DOCK10: variants seen among roughly 807,000 people sequenced by gnomAD.
The protein encoded by DOCK10 is dedicator of cytokinesis protein 10.
Under a neutral mutation model 280.1 loss-of-function variants are expected in DOCK10, and 145 were observed. That is an observed-to-expected ratio of 0.52 (90% CI 0.45 to 0.59). The LOEUF (loss-of-function observed/expected upper bound fraction) is 0.59. DOCK10 is among the 20% of genes least tolerant of loss of function. The probability of loss-of-function intolerance (pLI) is 0.00; values close to 1 mark genes in which losing one functional copy is unlikely to be tolerated. For synonymous variants in DOCK10, 915 were observed against 942.2 expected (o/e 0.97, Z 0.53); for missense variants, 2,368 against 2,651.7 (o/e 0.89, Z 2.35).
intron 1 of DOCK10, among the ~76,000 whole-genome samples, chr2:224,991,405 C>T (rs2126270296): frequency 6.6e-6 from 1 of 152,286 alleles, no homozygotes; most frequent in East Asian, 1.9e-4. Context: ...AACAAAGGCA[C>T]ATAGTACAAA....
At chr2:224,819,668 T>G (rs2125316362) in intron 28 of DOCK10, 139 bp from the exon 29 acceptor site, 1 of 534,640 alleles carries the variant, frequency 1.9e-6, no homozygotes, top group East Asian at 3.3e-5. Context: ...AAAAATCTTC[T>G]AAAGATGTTT....
intron 27 of DOCK10, among the ~76,000 whole-genome samples, chr2:224,829,285 C>A (rs901931187): frequency 1.3e-5 from 2 of 152,118 alleles, no homozygotes; most frequent in Non-Finnish European, 2.9e-5. Context: ...TTCAAAGATC[C>A]CCCCAATAGT....
chr2:224,841,694 A>C (rs1346999056), intron 23 of DOCK10, 110 bp downstream of exon 23: 4 of 639,200 alleles, frequency 6.3e-6, no homozygotes, highest in Non-Finnish European at 1.1e-5. Flanking sequence ...GGTATTAAAA[A>C]ATCTTGAGTA....
At chr2:224,918,407 G>C (rs375231129) in intron 2 of DOCK10, among the ~76,000 whole-genome samples, 1 of 151,028 alleles carries the variant, frequency 6.6e-6, no homozygotes, top group South Asian at 2.1e-4. Flanking sequence ...GTGTGCATGA[G>C]AGTGTGTTGC....
intron 11 of DOCK10, among the ~76,000 whole-genome samples, chr2:224,869,236 A>T (rs1458397600): frequency 3.9e-5 from 6 of 152,206 alleles, no homozygotes; most frequent in Admixed American, 3.9e-4. Context: ...TTTCAAAGAA[A>T]TATTTTATAC....
At position 225,042,270 on chromosome 2, in the gene DOCK10, G is replaced by A; in HGVS notation, c.105C>T (p.Ser35=). 1 of 1,325,830 alleles carries A rather than the reference G, an allele frequency of 7.5e-7. No homozygotes were observed. The highest frequency in any genetic ancestry group is 9.6e-7 in the Non-Finnish European group (1 of 1,038,016). 82.1% of individuals were successfully genotyped at this position (1,325,830 alleles called of 1,614,324 possible). The change falls in exon 1 of 56, where the codon AGC becomes AGT. Residue 35 remains serine, a synonymous_variant. Transcript: ENST00000258390. This position sits in a 1 kb window ranked among gnomAD's most constrained non-coding sequence, Gnocchi z 5.1. ...SAASAAAVAV[S]SRQQQRQEKP... ...CACTCACCCGCTGCTGCTGCCGGCT[G>A]CTGACTGCCACCGCGGCGGCGGACG...
chr2:224,968,832 G>C (rs1200995613), intron 1 of DOCK10, among the ~76,000 whole-genome samples: 1 of 152,228 alleles, frequency 6.6e-6, no homozygotes, highest in African/African-American at 2.4e-5. Context: ...CTATGGATAT[G>C]AATAGGGCTG....
At chr2:224,862,538 C>A in intron 14 of DOCK10, 126 bp downstream of exon 14, 1 of 693,828 alleles carries the variant, frequency 1.4e-6, no homozygotes, top group South Asian at 1.7e-5. Flanking sequence ...TGAAGATGAC[C>A]ATATTAGGAT....
intron 48 of DOCK10, among the ~76,000 whole-genome samples, 162 bp from the exon 49 acceptor site, chr2:224,787,559 C>T (rs766010891): frequency 1.3e-5 from 2 of 152,122 alleles, no homozygotes; most frequent in Non-Finnish European, 2.9e-5. Flanking sequence ...TTGCCTATCC[C>T]GCACTGCCGT....
chr2:224,816,536 T>A, intron 30 of DOCK10, 81 bp downstream of exon 30: 1 of 871,208 alleles, frequency 1.1e-6, no homozygotes, highest in Non-Finnish European at 1.8e-6. Flanking sequence ...AACAGGAAAA[T>A]AATAATAAAC....
intron 52 of DOCK10, among the ~76,000 whole-genome samples, chr2:224,774,489 C>A (rs1165166562): frequency 6.6e-6 from 1 of 152,188 alleles, no homozygotes; most frequent in Admixed American, 6.5e-5. Context: ...TATTGGAGAC[C>A]GACATCTGCA....
rs1692313261 is a variant in DOCK10, at chr2:224,793,072, C to T, written c.5213G>A (p.Gly1738Asp). Reference protein sequence around the residue: ...ALIAEYLKRKGYWKVEKICTA... With the variant: ...ALIAEYLKRKDYWKVEKICTA... ...GCAAATCTTTTCCACTTTCCAGTAA[C>T]CTATGGTAGTGCAAGATGAGGTTAG... The change falls in exon 47 of 56, where the codon GGT becomes GAT. Residue 1738 changes from glycine to aspartate, a missense_variant and splice_region_variant. By Grantham distance (94) the Gly-to-Asp change is moderately conservative. Transcript: ENST00000258390. 8 of 1,605,308 alleles carry T rather than the reference C, an allele frequency of 5.0e-6. No individual in the cohort carries two copies. Among genetic ancestry groups the T allele is most frequent in the African/African-American group, 1.3e-5 (1 of 74,612 alleles).
At chr2:224,932,897 T>C (rs1393824484) in intron 1 of DOCK10, among the ~76,000 whole-genome samples, 1 of 152,134 alleles carries the variant, frequency 6.6e-6, no homozygotes, top group Non-Finnish European at 1.5e-5. Context: ...TTTTGATAAT[T>C]TTCCAAATAT....
rs1691788799 is a variant in DOCK10, at chr2:224,787,159, T to C, written c.5542-24A>G. The C allele has an allele frequency of 3.1e-6, 5 of 1,609,560 alleles. No homozygotes were observed. In the East Asian group the frequency reaches 1.1e-4, roughly 36 times the overall value. On this transcript the variant is annotated intron_variant, in intron 49 of 55. Coordinates refer to ENST00000258390, the MANE Select transcript of DOCK10 (RefSeq NM_014689.3). ...TTCTGAAACCATAAGTGAAAGAGTTTCATGAAGATGATGCTGTCATACAAA... is the reference window on the plus strand; with the variant it reads ...TTCTGAAACCATAAGTGAAAGAGTTCCATGAAGATGATGCTGTCATACAAA...
At chr2:224,804,924 A>G (rs1234545206) in intron 37 of DOCK10, 83 bp from the exon 38 acceptor site, 2 of 1,269,030 alleles carry the variant, frequency 1.6e-6, no homozygotes, top group Non-Finnish European at 2.1e-6. Flanking sequence ...TTGAAAGAAA[A>G]ATATTAAATT....
chr2:225,013,918 T>C (rs1689513323), intron 1 of DOCK10, among the ~76,000 whole-genome samples: 1 of 151,942 alleles, frequency 6.6e-6, no homozygotes, highest in Non-Finnish European at 1.5e-5. Context: ...TGACAAAAAG[T>C]AGATAAGTAA....
intron 1 of DOCK10, among the ~76,000 whole-genome samples, chr2:225,007,170 C>T (rs1689298184): frequency 6.6e-6 from 1 of 152,092 alleles, no homozygotes; most frequent in Non-Finnish European, 1.5e-5. Flanking sequence ...TCACTAAGAC[C>T]AAATTAAGTC....
intron 44 of DOCK10, 60 bp from the exon 45 acceptor site, chr2:224,795,154 T>C: frequency 6.9e-7 from 1 of 1,455,932 alleles, no homozygotes; most frequent in Non-Finnish European, 9.5e-7. Flanking sequence ...TAACTGACTT[T>C]AAGTTATGCT....
Position 224,792,968 on chromosome 2 carries a change from A to G in DOCK10, c.5311+6T>C. On this transcript the variant is annotated splice_donor_region_variant and intron_variant, in intron 47 of 55. Coordinates refer to ENST00000258390, the MANE Select transcript of DOCK10 (RefSeq NM_014689.3). ...ATTGGGATAAATGAGCAGTTAGGTC[A>G]CTCACTTCCTCCACTGGGAGTTGTT... is the stretch of plus-strand genomic sequence containing the variant. 1 of 1,605,014 alleles carries G rather than the reference A, an allele frequency of 6.2e-7. No individual in the cohort carries two copies. The highest frequency in any genetic ancestry group is 8.5e-7 in the Non-Finnish European group (1 of 1,172,312).
Sources: allele counts gnomAD v4.1 joint callset (sites outside exome capture counted in the v4.1 genomes callset), GRCh38; gene constraint gnomAD v4.1.1; non-coding constraint Gnocchi (gnomAD v3.1); transcripts MANE v1.5; gene names NCBI Gene and HGNC (gene_info 2026-07-23, HGNC 2026-07-21).